Variants in PLEKHA7 observed in about 807,000 individuals in gnomAD.
PLEKHA7 encodes the protein pleckstrin homology domain containing A7, also known as pleckstrin homology domain-containing family A member 7.
PLEKHA7 carries 104 observed loss-of-function variants against 170.0 expected under a neutral mutation model. That is an observed-to-expected ratio of 0.61 (90% CI 0.52 to 0.72). PLEKHA7 has a LOEUF of 0.72. Ranked by LOEUF, PLEKHA7 falls within the 30% of genes least tolerant of loss-of-function variation. PLEKHA7 has a pLI of 0.00. For missense variants in PLEKHA7, 1,615 were observed against 1,671.7 expected, an observed-to-expected ratio of 0.97 and a Z score of 0.59; for synonymous variants, 648 against 660.8, an observed-to-expected ratio of 0.98 and a Z score of 0.30.
intron 3 of PLEKHA7, among the ~76,000 whole-genome samples, chr11:16,930,319 G>A (rs1448779544): frequency 6.6e-6 from 1 of 152,128 alleles, no homozygotes; most frequent in Non-Finnish European, 1.5e-5. Flanking sequence ...GGTGGCACCT[G>A]CCTACAGCCC....
Position 16,805,468 on chromosome 11 carries a change from G to C in PLEKHA7, c.2008-2173C>G, listed in dbSNP as rs565451809. On this transcript the variant is annotated intron_variant, in intron 13 of 26. Transcript: ENST00000531066. ...ATATTAGTACTACCTCTTTTTCTAA[G>C]AAGTAGATTTCTCTTGTCCCTTTTT... is the stretch of plus-strand genomic sequence containing the variant. Among the ~76,000 whole-genome samples, 5 of 151,852 alleles carry C rather than the reference G, an allele frequency of 3.3e-5. No individual in the cohort carries two copies. The South Asian group carries it at 1.0e-3, about 32-fold the overall frequency.
At chr11:16,987,942 A>G (rs1351485209) in intron 3 of PLEKHA7, among the ~76,000 whole-genome samples, 1 of 152,244 alleles carries the variant, frequency 6.6e-6, no homozygotes, top group Non-Finnish European at 1.5e-5. Flanking sequence ...CTGGCATGGC[A>G]CAGATCCTGG....
chr11:16,782,959 A>T, intron 25 of PLEKHA7, 63 bp from the exon 26 acceptor site: 1 of 1,501,628 alleles, frequency 6.7e-7, no homozygotes, highest in African/African-American at 1.4e-5. Context: ...TCAGGAGTGG[A>T]GGGTCTCCCT....
chr11:16,989,963 T>C (rs577403676), intron 3 of PLEKHA7, among the ~76,000 whole-genome samples: 2 of 151,938 alleles, frequency 1.3e-5, no homozygotes, highest in Non-Finnish European at 2.9e-5. Context: ...GTCTTCCCCA[T>C]CCACAAAACC....
intron 3 of PLEKHA7, among the ~76,000 whole-genome samples, chr11:17,009,274 A>G (rs535208137): frequency 6.6e-6 from 1 of 152,300 alleles, no homozygotes; most frequent in South Asian, 2.1e-4. Flanking sequence ...AATGGGGATG[A>G]TTCTTCCCCT....
intron 9 of PLEKHA7, among the ~76,000 whole-genome samples, chr11:16,839,443 T>C (rs974417364): frequency 6.7e-6 from 1 of 149,334 alleles, no homozygotes; most frequent in Non-Finnish European, 1.5e-5. Flanking sequence ...ATATATTTAA[T>C]AATTTGTATA....
chr11:16,779,989 G>C (rs1043834152), intron 26 of PLEKHA7, among the ~76,000 whole-genome samples: 1 of 140,666 alleles, frequency 7.1e-6, no homozygotes. Context: ...GAGGGGGGGG[G>C]GAATATCTTC....
At chr11:16,915,085 T>G (rs1858537849) in intron 3 of PLEKHA7, among the ~76,000 whole-genome samples, 1 of 152,196 alleles carries the variant, frequency 6.6e-6, no homozygotes. Context: ...GACACCTCAA[T>G]GATCCCCTGT....
intron 3 of PLEKHA7, among the ~76,000 whole-genome samples, chr11:16,873,663 C>T (rs1365960686): frequency 6.6e-6 from 1 of 152,108 alleles, no homozygotes. Context: ...TTATTTACAC[C>T]CAGCTTTTCC....
intron 3 of PLEKHA7, 28 bp from the exon 4 acceptor site, chr11:16,871,210 G>C: frequency 6.6e-7 from 1 of 1,526,222 alleles, no homozygotes; most frequent in South Asian, 1.1e-5. Flanking sequence ...AGATGGATGA[G>C]AATTCGTGTG....
At chr11:16,849,304 G>C (rs1022330034) in intron 8 of PLEKHA7, among the ~76,000 whole-genome samples, 6 of 152,154 alleles carry the variant, frequency 3.9e-5, no homozygotes, top group Non-Finnish European at 8.8e-5. Flanking sequence ...ATATAGTTAT[G>C]ATATGTTACT....
chr11:16,805,657 C>G (rs1483778888), intron 13 of PLEKHA7, among the ~76,000 whole-genome samples: 1 of 151,694 alleles, frequency 6.6e-6, no homozygotes, highest in Non-Finnish European at 1.5e-5. Flanking sequence ...AGGCACAGTG[C>G]CGCGCACCTG....
At chr11:16,970,416 T>C (rs1341896679) in intron 3 of PLEKHA7, among the ~76,000 whole-genome samples, 1 of 152,114 alleles carries the variant, frequency 6.6e-6, no homozygotes, top group African/African-American at 2.4e-5. Context: ...CCCAGCACTT[T>C]GGAAGGCTGA....
chr11:17,006,317 A>T (rs963981249), intron 3 of PLEKHA7, among the ~76,000 whole-genome samples: 3 of 145,662 alleles, frequency 2.1e-5, no homozygotes, highest in Non-Finnish European at 4.5e-5. Flanking sequence ...AACAAGAATG[A>T]AACTCCATCT....
At chr11:16,887,016 C>A (rs114969501) in intron 3 of PLEKHA7, among the ~76,000 whole-genome samples, 2,366 of 152,186 alleles carry the variant, frequency 0.016, 60 homozygotes, top group African/African-American at 0.054. Context: ...GGAGCTATAA[C>A]TTCTCAGTTT....
At chr11:16,866,271 T>G (rs568965951) in intron 4 of PLEKHA7, among the ~76,000 whole-genome samples, 1 of 152,160 alleles carries the variant, frequency 6.6e-6, no homozygotes, top group South Asian at 2.1e-4. Flanking sequence ...CAAGTTCCCT[T>G]ACAGAAATGA....
At chr11:16,969,260 T>C (rs1436785192) in intron 3 of PLEKHA7, among the ~76,000 whole-genome samples, 2 of 152,094 alleles carry the variant, frequency 1.3e-5, no homozygotes, top group Non-Finnish European at 2.9e-5. Flanking sequence ...GAATTAGAGC[T>C]AAAAGATCTT....
intron 3 of PLEKHA7, among the ~76,000 whole-genome samples, chr11:16,903,187 A>C (rs546954396): frequency 1.4e-4 from 22 of 152,364 alleles, no homozygotes; most frequent in Admixed American, 9.8e-4. Context: ...ATAACTTCTC[A>C]CTACTGCTAC....
At chr11:16,998,567 G>T (rs970999933) in intron 3 of PLEKHA7, among the ~76,000 whole-genome samples, 1 of 152,116 alleles carries the variant, frequency 6.6e-6, no homozygotes, top group Admixed American at 6.6e-5. Context: ...TATCCCCTCT[G>T]AATTTTCAAA....
Sources: allele counts gnomAD v4.1 joint callset (sites outside exome capture counted in the v4.1 genomes callset), GRCh38; gene constraint gnomAD v4.1.1; transcripts MANE v1.5; gene names NCBI Gene and HGNC (gene_info 2026-07-23, HGNC 2026-07-21).